Variants in TNS1 observed in about 807,000 individuals in gnomAD.
TNS1 encodes the protein tensin 1, also known as tensin-1.
TNS1 carries 62 observed loss-of-function variants against 168.6 expected under a neutral mutation model. The ratio of observed to expected loss-of-function variants is 0.37; its 90% CI spans 0.30 to 0.45. The LOEUF is 0.45. TNS1 is among the 20% of genes least tolerant of loss of function. TNS1 has a pLI of 1.00. For synonymous variants in TNS1, 934 were observed against 933.2 expected (o/e 1.00, Z -0.02); for missense variants, 2,240 against 2,339.4 (o/e 0.96, Z 0.88).
At chr2:217,996,414 T>A (rs1419336489) in intron 1 of TNS1, among the ~76,000 whole-genome samples, 1 of 152,074 alleles carries the variant, frequency 6.6e-6, no homozygotes, top group Non-Finnish European at 1.5e-5. Flanking sequence ...AGATCCCCAG[T>A]GGGGCTGCCG....
chr2:217,943,681 C>T (rs1957023731), intron 3 of TNS1, among the ~76,000 whole-genome samples: 1 of 152,244 alleles, frequency 6.6e-6, no homozygotes, highest in South Asian at 2.1e-4. Context: ...GAACAGCTTG[C>T]CTGACCCAGA....
chr2:218,015,032 G>A (rs953982684), upstream of TNS1, among the ~76,000 whole-genome samples: 1 of 152,116 alleles, frequency 6.6e-6, no homozygotes, highest in African/African-American at 2.4e-5. Context: ...CCATTTTCAG[G>A]GTTTTGCTGT....
At chr2:217,897,731 T>A (rs1391579933) in intron 8 of TNS1, 67 bp downstream of exon 8, 10 of 1,474,602 alleles carry the variant, frequency 6.8e-6, no homozygotes, top group Non-Finnish European at 9.1e-6. Context: ...ATACCAGTCA[T>A]GTAGAGGTGG....
intron 1 of TNS1, among the ~76,000 whole-genome samples, chr2:218,029,263 A>T (rs1473132523): frequency 6.6e-6 from 1 of 152,140 alleles, no homozygotes; most frequent in Non-Finnish European, 1.5e-5. Flanking sequence ...ACAAAGGGAC[A>T]TAAGAGGATG....
intron 3 of TNS1, among the ~76,000 whole-genome samples, chr2:217,972,745 G>A (rs182447748): frequency 6.6e-6 from 1 of 152,184 alleles, no homozygotes; most frequent in Non-Finnish European, 1.5e-5. Flanking sequence ...GTATTTGGCT[G>A]GAACAGGCTG....
At chr2:217,910,828 A>C (rs1954319291) in intron 4 of TNS1, among the ~76,000 whole-genome samples, 1 of 149,668 alleles carries the variant, frequency 6.7e-6, no homozygotes, top group Non-Finnish European at 1.5e-5. Flanking sequence ...CATCTCCTCC[A>C]TCCCCCTGTT....
At chr2:217,832,256 C>G (rs187534986) in intron 21 of TNS1, among the ~76,000 whole-genome samples, 3 of 152,216 alleles carry the variant, frequency 2.0e-5, no homozygotes, top group African/African-American at 7.2e-5. Context: ...ACTCCCTATG[C>G]GAAGCCTGGG....
chr2:217,983,673 G>A (rs1427509503), intron 2 of TNS1, among the ~76,000 whole-genome samples: 3 of 152,134 alleles, frequency 2.0e-5, no homozygotes, highest in Non-Finnish European at 2.9e-5. Flanking sequence ...TGAGCACATA[G>A]CCTCAGTGTG....
intron 10 of TNS1, 39 bp downstream of exon 10, chr2:217,893,376 ACACATGTGCGCATGTGCGCGCGCG>A (rs1951932185): frequency 1.1e-5 from 17 of 1,518,100 alleles, no homozygotes; most frequent in Middle Eastern, 2.2e-4. Flanking sequence ...TCAGGCACAC[ACACATGTGCGCATGTGCGCGCGCG>A]CACACACACA....
chr2:217,869,494 C>A (rs1191168452), intron 18 of TNS1, among the ~76,000 whole-genome samples: 1 of 152,134 alleles, frequency 6.6e-6, no homozygotes, highest in Non-Finnish European at 1.5e-5. Flanking sequence ...GGCAAGAAGG[C>A]CCACTGTAGG....
intron 19 of TNS1, among the ~76,000 whole-genome samples, chr2:217,843,594 G>C (rs953312958): frequency 1.3e-5 from 2 of 152,124 alleles, no homozygotes; most frequent in Non-Finnish European, 2.9e-5. Flanking sequence ...TGCCTTTGAT[G>C]TTTTACACAG....
chr2:217,969,458 T>C (rs963156973), intron 3 of TNS1, among the ~76,000 whole-genome samples: 1 of 151,400 alleles, frequency 6.6e-6, no homozygotes, highest in Non-Finnish European at 1.5e-5. Context: ...AAAGAAAAAA[T>C]AAACTAGACT....
chr2:217,991,815 C>G (rs552811179), intron 1 of TNS1, among the ~76,000 whole-genome samples: 1 of 151,982 alleles, frequency 6.6e-6, no homozygotes, highest in South Asian at 2.1e-4. Flanking sequence ...CGGAAGGCTT[C>G]TTCCATCTTT....
At chr2:217,937,375 C>T (rs1210181703) in intron 3 of TNS1, among the ~76,000 whole-genome samples, 1 of 152,164 alleles carries the variant, frequency 6.6e-6, no homozygotes, top group Non-Finnish European at 1.5e-5. Context: ...GCCCCGGACC[C>T]AAGGAGCCAA....
At chr2:217,884,886 C>T in intron 16 of TNS1, 149 bp downstream of exon 16, 1 of 968,722 alleles carries the variant, frequency 1.0e-6, no homozygotes, top group Non-Finnish European at 1.5e-6. Context: ...TCTCCCAAGT[C>T]TCTCTCAACT....
In TNS1 at chr2:217,847,911, A is replaced by G; in HGVS notation, c.2606T>C (p.Leu869Pro). The change falls in exon 19 of 33, where the codon CTC (leucine) becomes CCC (proline). Residue 869 changes from leucine (L) to proline (P), a missense_variant. Transcript: ENST00000682258. Reference protein sequence around the residue: ...VPGAWPGASPLSSQPLSGSSR... With the variant: ...VPGAWPGASPPSSQPLSGSSR... ...GGATCCAGAGAGGGGCTGGGAGGAG[A>G]GTGGAGAAGCCCCTGGCCAGGCCCC... The G allele has an allele frequency of 1.3e-6, 2 of 1,531,888 alleles. No homozygotes were observed. Among genetic ancestry groups the G allele is most frequent in the Admixed American group, 3.8e-5 (2 of 52,510 alleles). 94.9% of individuals were successfully genotyped at this position (1,531,888 alleles called of 1,614,324 possible).
upstream of TNS1, among the ~76,000 whole-genome samples, chr2:218,014,476 T>C (rs1038769960): frequency 3.5e-4 from 53 of 152,028 alleles, no homozygotes; most frequent in African/African-American, 9.9e-4. Context: ...TGCCCAACCA[T>C]ATACAAGGCA....
intron 23 of TNS1, among the ~76,000 whole-genome samples, chr2:217,820,318 G>A (rs1005250992): frequency 1.3e-5 from 2 of 152,180 alleles, no homozygotes; most frequent in Non-Finnish European, 2.9e-5. Context: ...GACAACTTAG[G>A]AAAATCCCCT....
At chr2:218,007,315 C>T (rs915319848), upstream of TNS1, among the ~76,000 whole-genome samples, 4 of 152,188 alleles carry the variant, frequency 2.6e-5, no homozygotes, top group African/African-American at 9.7e-5. Context: ...GTCTTGAAGG[C>T]TCCTACTAAC....
Sources: allele counts gnomAD v4.1 joint callset (sites outside exome capture counted in the v4.1 genomes callset), GRCh38; gene constraint gnomAD v4.1.1; transcripts MANE v1.5; gene names NCBI Gene and HGNC (gene_info 2026-07-23, HGNC 2026-07-21).